Variants in DDAH1 observed in about 807,000 individuals in gnomAD.
The protein encoded by DDAH1 is dimethylarginine dimethylaminohydrolase 1, also known as N(G),N(G)-dimethylarginine dimethylaminohydrolase 1.
A neutral mutation model predicts 28.8 loss-of-function variants in DDAH1; 19 were observed. The observed-to-expected ratio is 0.66, with a 90% CI of 0.46 to 0.97. The LOEUF (loss-of-function observed/expected upper bound fraction) is 0.97. Among genes scored for constraint, DDAH1 ranks in the 50% least tolerant of loss-of-function variants. DDAH1 has a pLI of 0.00. For synonymous variants in DDAH1, 153 were observed against 154.4 expected (o/e 0.99, Z 0.07); for missense variants, 326 against 375.9 (o/e 0.87, Z 1.10).
At chr1:85,558,846 T>C (rs1659059873) in intron 1 of DDAH1, among the ~76,000 whole-genome samples, 1 of 152,212 alleles carries the variant, frequency 6.6e-6, no homozygotes, top group Non-Finnish European at 1.5e-5. Context: ...AATTTTTTGC[T>C]CTGCTTTTGT....
chr1:85,380,079 T>C (rs1004066128), intron 1 of DDAH1, among the ~76,000 whole-genome samples: 1 of 152,234 alleles, frequency 6.6e-6, no homozygotes, highest in Non-Finnish European at 1.5e-5. Context: ...TTCTTTTAAG[T>C]GTATGAAGTT....
intron 1 of DDAH1, among the ~76,000 whole-genome samples, chr1:85,519,088 CTTTTTTTTT>C (rs71075842): frequency 2.0e-4 from 14 of 69,138 alleles, no homozygotes; most frequent in Admixed American, 9.2e-4. Context: ...AAAGACGGAT[CTTTTTTTTT>C]TTTTTTTTTT....
chr1:85,568,326 T>C (rs1358102832), intron 1 of DDAH1, among the ~76,000 whole-genome samples: 3 of 152,196 alleles, frequency 2.0e-5, no homozygotes, highest in Non-Finnish European at 4.4e-5. Flanking sequence ...TGGCATATCA[T>C]GAACGACAGT....
chr1:85,450,624 C>G (rs1445820289), intron 1 of DDAH1, among the ~76,000 whole-genome samples: 1 of 152,146 alleles, frequency 6.6e-6, no homozygotes, highest in Non-Finnish European at 1.5e-5. Flanking sequence ...TATAAAGCAT[C>G]ACAGCATTCA....
At chr1:85,447,402 A>C (rs753600481) in intron 1 of DDAH1, among the ~76,000 whole-genome samples, 5 of 152,196 alleles carry the variant, frequency 3.3e-5, no homozygotes, top group Non-Finnish European at 5.9e-5. Flanking sequence ...AATATGAAGT[A>C]AACTCGAGTG....
chr1:85,413,360 G>A (rs1284854423), intron 1 of DDAH1, among the ~76,000 whole-genome samples: 1 of 152,222 alleles, frequency 6.6e-6, no homozygotes, highest in African/African-American at 2.4e-5. Context: ...TGTGTGTTGT[G>A]ATAATCAGCT....
rs188375190 is a variant in DDAH1 at position 85,541,916 on chromosome 1, C to T, written c.-123+36068G>A. Among the ~76,000 whole-genome samples, 816 of 152,272 alleles carry T rather than the reference C, an allele frequency of 5.4e-3. 5 individuals carry two copies. The highest frequency in any genetic ancestry group is 0.018 in the African/African-American group (766 of 41,552). On this transcript the variant is annotated intron_variant, in intron 1 of 6. Coordinates refer to the DDAH1 transcript ENST00000426972. ...CTTCTGGCATCTTGATCTTGGACTT[C>T]CCAGCTTTCAGGACTGTGAGAAATA... is the stretch of plus-strand genomic sequence containing the variant.
chr1:85,397,451 T>C (rs1401418563), intron 1 of DDAH1, among the ~76,000 whole-genome samples: 2 of 152,186 alleles, frequency 1.3e-5, no homozygotes, highest in Non-Finnish European at 2.9e-5. Flanking sequence ...GAAAAACTGA[T>C]AAGGAAAAAG....
At chr1:85,382,141 A>T (rs180904168) in intron 1 of DDAH1, among the ~76,000 whole-genome samples, 58 of 152,356 alleles carry the variant, frequency 3.8e-4, no homozygotes, top group African/African-American at 1.3e-3. Flanking sequence ...CTCTCATGCC[A>T]GTTAGCCAAG....
intron 1 of DDAH1, chr1:85,496,341 T>C: frequency 3.3e-6 from 1 of 302,434 alleles, no homozygotes; most frequent in Non-Finnish European, 4.9e-6. Context: ...ACCTCTAATA[T>C]ATTTCTGTGA....
chr1:85,480,136 G>A (rs993111055), intron 2 of DDAH1, among the ~76,000 whole-genome samples: 10 of 152,164 alleles, frequency 6.6e-5, no homozygotes. Context: ...AACTGTGACA[G>A]AGTCAACATT....
intron 1 of DDAH1, among the ~76,000 whole-genome samples, chr1:85,398,276 A>T (rs1651901639): frequency 6.6e-6 from 1 of 152,230 alleles, no homozygotes; most frequent in Non-Finnish European, 1.5e-5. Context: ...TTCTTGCTGT[A>T]CTTATATACA....
intron 1 of DDAH1, among the ~76,000 whole-genome samples, chr1:85,514,213 G>A (rs768255806): frequency 4.6e-5 from 7 of 152,144 alleles, no homozygotes; most frequent in Admixed American, 6.5e-5. Context: ...CATAAAAAAG[G>A]ATGGGTTCAT....
intron 1 of DDAH1, among the ~76,000 whole-genome samples, chr1:85,405,823 T>C (rs1298066197): frequency 6.6e-6 from 1 of 152,150 alleles, no homozygotes; most frequent in African/African-American, 2.4e-5. Flanking sequence ...ACTATCCCGT[T>C]CTCTTATTCC....
At chr1:85,453,505 G>C (rs544752231) in intron 1 of DDAH1, among the ~76,000 whole-genome samples, 72 of 152,166 alleles carry the variant, frequency 4.7e-4, no homozygotes, top group Admixed American at 7.8e-4. Context: ...TCATTTTTGG[G>C]GCATAGAAGA....
intron 1 of DDAH1, among the ~76,000 whole-genome samples, chr1:85,398,046 A>G (rs1651892905): frequency 6.6e-6 from 1 of 151,830 alleles, no homozygotes; most frequent in South Asian, 2.1e-4. Flanking sequence ...ATAGCAACAC[A>G]AAGTGGACTT....
At chr1:85,507,432 G>A (rs937657213) in intron 1 of DDAH1, among the ~76,000 whole-genome samples, 5 of 152,020 alleles carry the variant, frequency 3.3e-5, no homozygotes, top group Admixed American at 2.0e-4. Context: ...GAGCCCAGGA[G>A]GTTGAGGCTG....
intron 1 of DDAH1, among the ~76,000 whole-genome samples, chr1:85,383,492 T>C (rs2100912883): frequency 6.6e-6 from 1 of 152,330 alleles, no homozygotes; most frequent in South Asian, 2.1e-4. Context: ...GAAACATTGT[T>C]GAAATGATAA....
At chr1:85,321,843 T>C (rs1184046574) in intron 5 of DDAH1, among the ~76,000 whole-genome samples, 1 of 152,226 alleles carries the variant, frequency 6.6e-6, no homozygotes, top group African/African-American at 2.4e-5. Flanking sequence ...CATTGCTAGA[T>C]TAAGTGGTAC....
Sources: allele counts gnomAD v4.1 joint callset (sites outside exome capture counted in the v4.1 genomes callset), GRCh38; gene constraint gnomAD v4.1.1; transcripts MANE v1.5; gene names NCBI Gene and HGNC (gene_info 2026-07-23, HGNC 2026-07-21).